The following VPS50 variants were observed in gnomAD, a reference collection of about 807,000 sequenced individuals.
VPS50 encodes the protein syndetin.
A neutral mutation model predicts 139.7 loss-of-function variants in VPS50; 70 were observed. The ratio of observed to expected loss-of-function variants is 0.50; its 90% CI spans 0.41 to 0.61. The LOEUF is 0.61. VPS50 is among the 20% of genes least tolerant of loss of function. The pLI is 0.00. For synonymous variants in VPS50, 365 were observed against 376.7 expected, an observed-to-expected ratio of 0.97 and a Z score of 0.36; for missense variants, 921 against 1,133.7, an observed-to-expected ratio of 0.81 and a Z score of 2.69.
At chr7:93,306,322 G>A (rs1797115054) in intron 18 of VPS50, among the ~76,000 whole-genome samples, 1 of 151,844 alleles carries the variant, frequency 6.6e-6, no homozygotes, top group South Asian at 2.1e-4. Context: ...AATATTATGT[G>A]ATATATTGTG....
At chr7:93,245,998 C>T in intron 2 of VPS50, 1 of 691,952 alleles carries the variant, frequency 1.4e-6, no homozygotes, top group Non-Finnish European at 2.5e-6. Flanking sequence ...TGATTAATGA[C>T]TTTTGTAATA....
At chr7:93,329,571 GATGCTAA>G in intron 21 of VPS50, among the ~76,000 whole-genome samples, 1 of 151,772 alleles carries the variant, frequency 6.6e-6, no homozygotes, top group East Asian at 1.9e-4. Flanking sequence ...GCAGACACAA[GATGCTAA>G]ATGAACAGCA....
intron 17 of VPS50, among the ~76,000 whole-genome samples, chr7:93,305,127 A>G (rs1584449425): frequency 6.6e-6 from 1 of 152,038 alleles, no homozygotes; most frequent in Non-Finnish European, 1.5e-5. Flanking sequence ...ATTCAAAGGA[A>G]CTTTAGAGAT....
At chr7:93,250,075 C>CT (rs1795275813) in intron 2 of VPS50, among the ~76,000 whole-genome samples, 1 of 151,508 alleles carries the variant, frequency 6.6e-6, no homozygotes, top group Non-Finnish European at 1.5e-5. Context: ...TGTCATTGAC[C>CT]TTTTTTTCTC....
Position 93,256,668 on chromosome 7 carries a change from G to T in VPS50, c.351+106G>T, listed in dbSNP as rs1369401507. The T allele has an allele frequency of 2.1e-5, 13 of 623,948 alleles. No individual in the cohort carries two copies. The African/African-American group carries it at 2.2e-4, about 10-fold the overall frequency. The allele number at this position is 623,948 out of a possible 1,614,324, so 38.7% of individuals were successfully genotyped here. On this transcript the variant is annotated intron_variant, in intron 5 of 27. Transcript: ENST00000305866. ...ATTTTTTGTCAATAATTCTGTAGCA[G>T]CATATTGACTGTTTTTGGGTGTGTT...
intron 21 of VPS50, among the ~76,000 whole-genome samples, chr7:93,329,236 ATAGTAAATT>A (rs1483043297): frequency 2.6e-5 from 4 of 152,328 alleles, no homozygotes; most frequent in Admixed American, 6.5e-5. Flanking sequence ...CAGCAGAGAA[ATAGTAAATT>A]CTGGTAGTGA....
chr7:93,256,708 T>C (rs912121297), intron 5 of VPS50, 146 bp downstream of exon 5: 1 of 496,002 alleles, frequency 2.0e-6, no homozygotes, highest in Non-Finnish European at 3.5e-6. Flanking sequence ...TATATGTATG[T>C]ATGTATATTT....
chr7:93,337,877 GCTTGC>G (rs1798108064), intron 22 of VPS50, among the ~76,000 whole-genome samples: 1 of 152,050 alleles, frequency 6.6e-6, no homozygotes, highest in Non-Finnish European at 1.5e-5. Flanking sequence ...AAGCAGCCCT[GCTTGC>G]CTTAAGTTTG....
At chr7:93,333,235 A>G (rs1179785936) in intron 21 of VPS50, among the ~76,000 whole-genome samples, 1 of 151,392 alleles carries the variant, frequency 6.6e-6, no homozygotes, top group East Asian at 2.0e-4. Flanking sequence ...ATTTTCACGT[A>G]AGACTCTCTG....
chr7:93,322,579 G>A (rs1445487458), intron 20 of VPS50, among the ~76,000 whole-genome samples: 2 of 119,892 alleles, frequency 1.7e-5, no homozygotes, highest in African/African-American at 3.4e-5. Flanking sequence ...CAGCCTGGGC[G>A]ACAGAGCGAG....
intron 21 of VPS50, among the ~76,000 whole-genome samples, chr7:93,327,028 CACTA>C (rs1445003518): frequency 1.3e-5 from 2 of 152,270 alleles, no homozygotes; most frequent in Non-Finnish European, 2.9e-5. Flanking sequence ...TTTGGAAACT[CACTA>C]AATAAATATT....
intron 20 of VPS50, among the ~76,000 whole-genome samples, chr7:93,313,317 G>T (rs1797326709): frequency 6.6e-6 from 1 of 152,084 alleles, no homozygotes; most frequent in African/African-American, 2.4e-5. Context: ...AGGGAATTGG[G>T]AAAAATAATA....
At chr7:93,302,797 A>AG (rs1316801462) in intron 16 of VPS50, among the ~76,000 whole-genome samples, 1 of 152,026 alleles carries the variant, frequency 6.6e-6, no homozygotes, top group Non-Finnish European at 1.5e-5. Context: ...ACTGAAAATA[A>AG]GGGTTTGTTT....
chr7:93,331,607 C>T (rs907841233), intron 21 of VPS50, among the ~76,000 whole-genome samples: 1 of 151,974 alleles, frequency 6.6e-6, no homozygotes, highest in Non-Finnish European at 1.5e-5. Flanking sequence ...TTTGTAAGAC[C>T]TAAAGAAGTT....
At chr7:93,344,318 C>T (rs1178399969) in intron 23 of VPS50, among the ~76,000 whole-genome samples, 1 of 152,168 alleles carries the variant, frequency 6.6e-6, no homozygotes, top group Non-Finnish European at 1.5e-5. Context: ...CAGGAGCACC[C>T]AGATGCATAA....
intron 2 of VPS50, among the ~76,000 whole-genome samples, chr7:93,245,564 A>C (rs995191591): frequency 6.6e-6 from 1 of 151,918 alleles, no homozygotes; most frequent in Non-Finnish European, 1.5e-5. Flanking sequence ...AAGGACAGGC[A>C]TGTGACACAT....
At chr7:93,351,193 G>T (rs1798547009) in intron 25 of VPS50, among the ~76,000 whole-genome samples, 1 of 152,084 alleles carries the variant, frequency 6.6e-6, no homozygotes, top group African/African-American at 2.4e-5. Flanking sequence ...TCTTAGCGGG[G>T]AATGACACCA....
At chr7:93,258,787 A>G (rs1374476565) in intron 8 of VPS50, among the ~76,000 whole-genome samples, 2 of 151,834 alleles carry the variant, frequency 1.3e-5, no homozygotes, top group Non-Finnish European at 2.9e-5. Context: ...TTTTTCTTTG[A>G]TGCATTCTTA....
chr7:93,352,918 C>A (rs1798599373), intron 25 of VPS50, among the ~76,000 whole-genome samples: 1 of 152,048 alleles, frequency 6.6e-6, no homozygotes. Context: ...GGTTGAGCAT[C>A]CCAAATTCGA....
Sources: allele counts gnomAD v4.1 joint callset (sites outside exome capture counted in the v4.1 genomes callset), GRCh38; gene constraint gnomAD v4.1.1; transcripts MANE v1.5; gene names NCBI Gene and HGNC (gene_info 2026-07-23, HGNC 2026-07-21).